TAF8: variants seen among roughly 807,000 people sequenced by gnomAD.
TAF8 encodes the protein TATA-box binding protein associated factor 8.
A neutral mutation model predicts 36.5 loss-of-function variants in TAF8; 47 were observed. The ratio of observed to expected loss-of-function variants is 1.29; its 90% CI spans 1.02 to 1.64. The LOEUF (loss-of-function observed/expected upper bound fraction) is 1.64. Among genes scored for constraint, TAF8 ranks in the 40% most tolerant of loss-of-function variants. TAF8 has a pLI of 0.00. For synonymous variants in TAF8, 175 were observed against 159.5 expected (o/e 1.10, Z -0.73); for missense variants, 420 against 407.6 (o/e 1.03, Z -0.26).
In TAF8 at chr6:42,077,461, G is replaced by A. The variant is rs966403974; in HGVS notation, c.921-72G>A. 6 of 1,595,258 alleles carry A rather than the reference G, an allele frequency of 3.8e-6. No individual in the cohort carries two copies. The Admixed American group carries it at 7.0e-5, about 19-fold the overall frequency. On this transcript the variant is annotated intron_variant, in intron 8 of 8. Transcript: ENST00000372977. ...CTAGGGACCAACCCTCACAGCACTGGAGCAGTTTTCCCCTAGAAGGAGAGC... is the reference window on the plus strand; with the variant it reads ...CTAGGGACCAACCCTCACAGCACTGAAGCAGTTTTCCCCTAGAAGGAGAGC...
At chr6:42,059,045 G>A (rs1051597939) in intron 5 of TAF8, among the ~76,000 whole-genome samples, 6 of 152,050 alleles carry the variant, frequency 3.9e-5, no homozygotes, top group Non-Finnish European at 8.8e-5. Flanking sequence ...GGTAGGTCGG[G>A]GGAAGCCAGT....
intron 5 of TAF8, among the ~76,000 whole-genome samples, chr6:42,058,939 T>C (rs1765098547): frequency 6.6e-6 from 1 of 151,992 alleles, no homozygotes; most frequent in Non-Finnish European, 1.5e-5. Flanking sequence ...TTCTTTTTTG[T>C]GTGTGGTTGG....
downstream of TAF8, among the ~76,000 whole-genome samples, chr6:42,083,932 A>G (rs1435255601): frequency 6.6e-6 from 1 of 152,126 alleles, no homozygotes; most frequent in African/African-American, 2.4e-5. Context: ...CTGTAATCCC[A>G]GCACTTTGGG....
In TAF8 at chr6:42,078,486, A is replaced by T. The variant is rs1380334040; in HGVS notation, c.*941A>T. The T allele has an allele frequency of 1.0e-6, 1 of 985,296 alleles. No individual in the cohort carries two copies. The highest frequency in any genetic ancestry group is 1.1e-4 in the East Asian group (1 of 8,830). The allele number at this position is 985,296 out of a possible 1,614,324, so 61.0% of individuals were successfully genotyped here. On this transcript the variant is annotated 3_prime_UTR_variant, in exon 9 of 9. Coordinates refer to ENST00000372977, the MANE Select transcript of TAF8 (RefSeq NM_138572.3). ...CCAAGTGCTCCGTTGAGCTGATGAA[A>T]AGTTCTTTGTACTCCCTCAACGTGT...
intron 2 of TAF8, among the ~76,000 whole-genome samples, chr6:42,053,081 T>C (rs770398927): frequency 6.6e-5 from 10 of 152,180 alleles, no homozygotes; most frequent in Non-Finnish European, 7.3e-5. Context: ...ATTTATTTAT[T>C]CTTATTAATT....
At chr6:42,071,007 G>A (rs981125441) in intron 7 of TAF8, among the ~76,000 whole-genome samples, 4 of 152,124 alleles carry the variant, frequency 2.6e-5, no homozygotes, top group African/African-American at 9.7e-5. Flanking sequence ...GTCATACTCA[G>A]CGAGTGAAAG....
chr6:42,067,623 A>G (rs574095241), intron 6 of TAF8, among the ~76,000 whole-genome samples: 3 of 152,282 alleles, frequency 2.0e-5, no homozygotes, highest in South Asian at 4.1e-4. Flanking sequence ...AGTCTTGAGT[A>G]CAGTGGCACA....
At chr6:42,067,280 G>A (rs559819259) in intron 6 of TAF8, among the ~76,000 whole-genome samples, 46 of 152,284 alleles carry the variant, frequency 3.0e-4, no homozygotes, top group East Asian at 1.7e-3. Context: ...ATACAGTGGC[G>A]CAATCTCTGC....
chr6:42,066,324 C>CCCGT lies in TAF8; in HGVS notation c.503_506dup (p.Ser170ArgfsTer39). 1 of 1,613,966 alleles carries CCCGT rather than the reference C, an allele frequency of 6.2e-7. No individual in the cohort carries two copies. Among genetic ancestry groups the CCCGT allele is most frequent in the Non-Finnish European group, 8.5e-7 (1 of 1,180,010 alleles). Reference sequence around the variant, plus strand: ...GCTCTCTTCGTAGACGTACCGTGAGCCCGTGTCAGACTACCAGGTCCTGCG... The same window carrying CCCGT: ...GCTCTCTTCGTAGACGTACCGTGAGCCCGTCCGTGTCAGACTACCAGGTCCTGCG... On this transcript the variant is annotated frameshift_variant, in exon 6 of 9. Coordinates refer to ENST00000372977, the MANE Select transcript of TAF8 (RefSeq NM_138572.3). LOFTEE classifies it high-confidence loss of function.
chr6:42,053,898 T>C (rs1471078444), intron 2 of TAF8, among the ~76,000 whole-genome samples: 2 of 152,176 alleles, frequency 1.3e-5, no homozygotes, highest in Non-Finnish European at 2.9e-5. Context: ...TTAAAAGTCA[T>C]GTCTAGAGGC....
At chr6:42,070,946 TTCTAG>T (rs1174295503) in intron 7 of TAF8, among the ~76,000 whole-genome samples, 8 of 152,136 alleles carry the variant, frequency 5.3e-5, no homozygotes, top group African/African-American at 1.7e-4. Flanking sequence ...CAAGGAGGTG[TTCTAG>T]TCCTAGTTTG....
chr6:42,080,829 A>C lies in TAF8; in HGVS notation c.*3284A>C. ...ACTTTATGGGACTTCTTAGAGGCCA[A>C]AAGTAGTAAACATGCAGATTAAAAA... On this transcript the variant is annotated 3_prime_UTR_variant, in exon 9 of 9. Transcript: ENST00000372977. The C allele has an allele frequency of 1.0e-6, 1 of 979,416 alleles. No homozygotes were observed. Among genetic ancestry groups the C allele is most frequent in the Non-Finnish European group, 1.2e-6 (1 of 824,446 alleles). The allele number at this position is 979,416 out of a possible 1,614,324, so 60.7% of individuals were successfully genotyped here.
intron 2 of TAF8, among the ~76,000 whole-genome samples, chr6:42,053,444 A>G (rs76509629): frequency 0.034 from 5,145 of 152,036 alleles, 296 homozygotes; most frequent in African/African-American, 0.11. Context: ...GGGCGCCTGT[A>G]ATTACAGCTA....
chr6:42,084,168 G>A (rs564393735), downstream of TAF8, among the ~76,000 whole-genome samples: 221 of 133,008 alleles, frequency 1.7e-3, 1 homozygote, highest in African/African-American at 6.0e-3. Context: ...GCGACAGAGC[G>A]AGACTCTGTC....
At chr6:42,051,166 G>A in intron 1 of TAF8, 191 bp from the exon 2 acceptor site, 1 of 1,306,634 alleles carries the variant, frequency 7.7e-7, no homozygotes, top group Non-Finnish European at 9.9e-7. Context: ...GCGGAGAAGT[G>A]GTCTCTGTAT....
chr6:42,086,309 G>T (rs1766024038), downstream of TAF8, among the ~76,000 whole-genome samples: 1 of 152,222 alleles, frequency 6.6e-6, no homozygotes, highest in Non-Finnish European at 1.5e-5. Flanking sequence ...TAAGTGAAAA[G>T]TGCTTTTTTG....
intron 2 of TAF8, among the ~76,000 whole-genome samples, chr6:42,052,150 T>A (rs1764814336): frequency 6.6e-6 from 1 of 152,184 alleles, no homozygotes. Flanking sequence ...GTAAGTGAGA[T>A]GTATATATAA....
At chr6:42,056,528 C>T (rs1006617827) in intron 4 of TAF8, among the ~76,000 whole-genome samples, 5 of 151,992 alleles carry the variant, frequency 3.3e-5, no homozygotes, top group South Asian at 2.1e-4. Flanking sequence ...TTTAAGTAAA[C>T]CTGGGTGCCA....
chr6:42,055,843 G>A, intron 3 of TAF8, 109 bp from the exon 4 acceptor site: 1 of 843,280 alleles, frequency 1.2e-6, no homozygotes, highest in Non-Finnish European at 2.0e-6. Context: ...TTGCGTGGCT[G>A]CAAGGTCATT....
Sources: gnomAD v4.1 joint callset for allele counts (sites outside exome capture counted in the v4.1 genomes callset) on GRCh38, gnomAD v4.1.1 for gene constraint, MANE v1.5 for transcripts, NCBI Gene and HGNC (gene_info 2026-07-23, HGNC 2026-07-21) for gene names.